Variants in SERINC3 observed in about 807,000 individuals in gnomAD.
SERINC3 encodes serine incorporator 3, also known as tumor differentially expressed protein 1.
In SERINC3, 22 loss-of-function variants were observed where a neutral mutation model predicts 52.1. That is an observed-to-expected ratio of 0.42 (90% CI 0.30 to 0.60). The LOEUF (loss-of-function observed/expected upper bound fraction) is 0.60. Among genes scored for constraint, SERINC3 ranks in the 20% least tolerant of loss-of-function variants. SERINC3 has a pLI of 0.16. For synonymous variants in SERINC3, 226 were observed against 212.7 expected (o/e 1.06, Z -0.54); for missense variants, 564 against 584.6 (o/e 0.96, Z 0.36).
chr20:44,514,530 C>T (rs113574419), intron 1 of SERINC3, among the ~76,000 whole-genome samples: 23,307 of 151,946 alleles, frequency 0.15, 2,202 homozygotes, highest in African/African-American at 0.27. Context: ...GAGGCCGAGG[C>T]GGGTGGATCA....
rs45550139 is a variant in SERINC3 at position 44,498,437 on chromosome 20, G to A, written c.*1859C>T. On this transcript the variant is annotated 3_prime_UTR_variant, in exon 10 of 10. Coordinates refer to ENST00000342374, the MANE Select transcript of SERINC3 (RefSeq NM_006811.4). ...AAAATACAAAAAAAATTAGCCAGGC[G>A]TGGTGGTGGGTGCCTGTAGTCCCAG... 0.058 allele frequency: 8,816 copies of A among 152,224 alleles called. 337 individuals are homozygous for A. The highest frequency in any genetic ancestry group is 0.12 in the African/African-American group (4,850 of 41,478). 9.4% of individuals were successfully genotyped at this position (152,224 alleles called of 1,614,324 possible).
rs1444449328 is a variant in SERINC3 at position 44,501,286 on chromosome 20, G to A, written c.1070C>T (p.Thr357Ile). ...GGTCAGCTTGTCTACTTGGCTATTA[G>A]TGGAAGTGCGGATGCTGGAAAGTGA... ...CLLYSSIRTS[T>I]NSQVDKLTLS... The change falls in exon 9 of 10, where the codon ACT (threonine) becomes ATT (isoleucine). Residue 357 changes from threonine to isoleucine, a missense_variant. Thr to Ile is a moderately conservative substitution (Grantham distance 89). Transcript: ENST00000342374. The A allele has an allele frequency of 1.9e-6, 3 of 1,614,078 alleles. No individual in the cohort carries two copies. The highest frequency in any genetic ancestry group is 1.7e-5 in the Admixed American group (1 of 60,028).
At chr20:44,508,622 G>C (rs776016048) in intron 5 of SERINC3, among the ~76,000 whole-genome samples, 10 of 152,214 alleles carry the variant, frequency 6.6e-5, no homozygotes, top group Non-Finnish European at 1.5e-4. Context: ...GAATTGTATG[G>C]AATGGAATAC....
chr20:44,520,019 C>T (rs1262577308), intron 1 of SERINC3, among the ~76,000 whole-genome samples: 2 of 152,108 alleles, frequency 1.3e-5, no homozygotes, highest in Non-Finnish European at 2.9e-5. Context: ...AGTCTCACCC[C>T]TGACCCTCCA....
At chr20:44,516,752 T>C (rs1433632857) in intron 1 of SERINC3, among the ~76,000 whole-genome samples, 1 of 152,124 alleles carries the variant, frequency 6.6e-6, no homozygotes, top group Non-Finnish European at 1.5e-5. Context: ...TGGAGTACAG[T>C]TGTGTGATCA....
At chr20:44,501,903 CTCGTT>C (rs1427969273) in intron 8 of SERINC3, among the ~76,000 whole-genome samples, 1 of 152,322 alleles carries the variant, frequency 6.6e-6, no homozygotes, top group African/African-American at 2.4e-5. Context: ...AAATTACATG[CTCGTT>C]TCAACAGACA....
chr20:44,504,795 C>T lies in SERINC3; in HGVS notation c.874+6G>A, dbSNP rs766073365. 1.9e-5 allele frequency: 30 copies of T among 1,598,196 alleles called. No homozygotes were observed. The highest frequency in any genetic ancestry group is 2.2e-5 in the Non-Finnish European group (26 of 1,167,334). ...TCAAATGAATGTGTTATTGACATTC[C>T]CTTACCAGGTTCATTGGACATGGCT... is the stretch of plus-strand genomic sequence containing the variant. On this transcript the variant is annotated splice_donor_region_variant and intron_variant, in intron 7 of 9. Transcript: ENST00000342374.
chr20:44,508,362 G>A (rs2064327793), intron 5 of SERINC3, among the ~76,000 whole-genome samples: 1 of 151,926 alleles, frequency 6.6e-6, no homozygotes, highest in Non-Finnish European at 1.5e-5. Flanking sequence ...TAGTGTGGGT[G>A]TGGTGGTGTG....
chr20:44,505,221 A>G (rs1050820480), intron 6 of SERINC3, among the ~76,000 whole-genome samples: 6 of 152,204 alleles, frequency 3.9e-5, no homozygotes, highest in Non-Finnish European at 8.8e-5. Flanking sequence ...GAGGCCTATC[A>G]CTTCTTTGAG....
At position 44,511,349 on chromosome 20, in the gene SERINC3, CAATTTTGAAG is replaced by C; in HGVS notation, c.405_414del (p.Phe135LeufsTer28). The stretch of plus-strand genomic sequence containing the variant: ...CCAACCATGATTCCAATAAGGGCAG[CAATTTTGAAG>C]AACCAAAACCTATTAAAATATAAAA... On this transcript the variant is annotated frameshift_variant, in exon 4 of 10. Transcript: ENST00000342374. LOFTEE classifies it high-confidence loss of function. 1.9e-6 allele frequency: 3 copies of C among 1,612,598 alleles called. No homozygotes were observed. The highest frequency in any genetic ancestry group is 2.5e-6 in the Non-Finnish European group (3 of 1,178,668).
chr20:44,515,157 C>T (rs1219699302), intron 1 of SERINC3, among the ~76,000 whole-genome samples: 8 of 152,144 alleles, frequency 5.3e-5, no homozygotes, highest in Admixed American at 4.6e-4. Context: ...AGTTCAAGAC[C>T]AGCCTGGCCA....
Position 44,514,029 on chromosome 20 carries a change from G to C in SERINC3, c.51C>G (p.Leu17=). 2 of 1,613,978 alleles carry C rather than the reference G, an allele frequency of 1.2e-6. No homozygotes were observed. The highest frequency in any genetic ancestry group is 1.1e-5 in the South Asian group (1 of 91,058). Residue 17 remains leucine (L), a synonymous_variant, in exon 2 of 10, where the codon CTC becomes CTG. Transcript: ENST00000342374. ...VFSLASWVPC[L]CSGASCLLCS... is the part of the protein sequence containing the mutation. ...ACAGCAAACATGAGGCACCGCTGCA[G>C]AGGCATGGAACCTGGAATGAGCACA... is the stretch of plus-strand genomic sequence containing the variant.
rs920199725 is a variant in SERINC3, at chr20:44,499,414, G to T, written c.*882C>A. On this transcript the variant is annotated 3_prime_UTR_variant, in exon 10 of 10. Transcript: ENST00000342374. ...CCTGACTAGAAGCGTGATAAAACCT[G>T]GCTATCCAGAAAATAAAGAATGGCT... is the stretch of plus-strand genomic sequence containing the variant. 1.3e-5 allele frequency: 2 copies of T among 152,302 alleles called. No individual in the cohort carries two copies. 9.4% of individuals were successfully genotyped at this position (152,302 alleles called of 1,614,324 possible).
Position 44,512,786 on chromosome 20 carries a change from A to G in SERINC3, c.395+15T>C, listed in dbSNP as rs2064356404. The G allele has an allele frequency of 1.3e-6, 2 of 1,544,448 alleles. No individual in the cohort carries two copies. Among genetic ancestry groups the G allele is most frequent in the Non-Finnish European group, 1.7e-6 (2 of 1,156,100 alleles). On this transcript the variant is annotated intron_variant, in intron 3 of 9. Coordinates refer to ENST00000342374, the MANE Select transcript of SERINC3 (RefSeq NM_006811.4). ...CACACCATAATGTAACCAGTTAATC[A>G]TAAATCTAACATACCCATTGTGTAC...
At chr20:44,510,872 T>C (rs1016662631) in intron 4 of SERINC3, among the ~76,000 whole-genome samples, 3 of 152,084 alleles carry the variant, frequency 2.0e-5, no homozygotes, top group Non-Finnish European at 2.9e-5. Flanking sequence ...ACCATCTCAT[T>C]TACTTGTCAG....
chr20:44,513,020 C>G (rs745998954), intron 2 of SERINC3, 26 bp from the exon 3 acceptor site: 2 of 1,439,612 alleles, frequency 1.4e-6, no homozygotes, highest in Non-Finnish European at 1.8e-6. Flanking sequence ...TTCAATGTTA[C>G]GAGAATATCT....
rs1054838068 is a variant in SERINC3 at position 44,506,826 on chromosome 20, C to T, written c.783+1G>A. 6.4e-7 allele frequency: 1 copy of T among 1,564,412 alleles called. No homozygotes were observed. Among genetic ancestry groups the T allele is most frequent in the African/African-American group, 1.4e-5 (1 of 72,996 alleles). Reference sequence around the variant, plus strand: ...GAGAAAGAAGTAGTAAACAATCATACCTGAATTTTTGGGTGGATCGATATA... The same window carrying T: ...GAGAAAGAAGTAGTAAACAATCATATCTGAATTTTTGGGTGGATCGATATA... On this transcript the variant is annotated splice_donor_variant, in intron 6 of 9. Transcript: ENST00000342374. LOFTEE classifies it high-confidence loss of function.
chr20:44,513,931 GT>G lies in SERINC3; in HGVS notation c.148del (p.Thr50LeufsTer16). ...LIYAFILLLS[T>X]VVSYIMQRKE... is the part of the protein sequence containing the mutation. ...TCTCTGCATGATATAGGATACGACAGTGCTCAGGAGGAGAATGAAAGCATAA... is the reference window on the plus strand; with the variant it reads ...TCTCTGCATGATATAGGATACGACAGGCTCAGGAGGAGAATGAAAGCATAA... On this transcript the variant is annotated frameshift_variant, in exon 2 of 10. Transcript: ENST00000342374. LOFTEE classifies it high-confidence loss of function. 2.5e-6 allele frequency: 4 copies of G among 1,614,138 alleles called. No individual in the cohort carries two copies. Among genetic ancestry groups the G allele is most frequent in the Non-Finnish European group, 3.4e-6 (4 of 1,180,026 alleles).
intron 5 of SERINC3, among the ~76,000 whole-genome samples, chr20:44,508,539 C>T (rs1234109384): frequency 2.6e-5 from 4 of 151,966 alleles, no homozygotes; most frequent in Non-Finnish European, 4.4e-5. Flanking sequence ...ATTGTCATTA[C>T]AAACAATTTA....
Sources: gnomAD v4.1 joint callset for allele counts (sites outside exome capture counted in the v4.1 genomes callset) on GRCh38, gnomAD v4.1.1 for gene constraint, MANE v1.5 for transcripts, NCBI Gene and HGNC (gene_info 2026-07-23, HGNC 2026-07-21) for gene names.